VWF: variants seen among roughly 807,000 people sequenced by gnomAD.
The protein encoded by VWF is von Willebrand factor.
In VWF, 176 loss-of-function variants were observed where a neutral mutation model predicts 308.6. That is an observed-to-expected ratio of 0.57 (90% CI 0.50 to 0.65). The LOEUF (loss-of-function observed/expected upper bound fraction) is 0.65. Among genes scored for constraint, VWF ranks in the 30% least tolerant of loss-of-function variants. VWF has a pLI of 0.00. For synonymous variants in VWF, 1,385 were observed against 1,443.4 expected, an observed-to-expected ratio of 0.96 and a Z score of 0.92; for missense variants, 3,146 against 3,648.2, an observed-to-expected ratio of 0.86 and a Z score of 3.55.
chr12:6,088,713 G>GTACA (rs1240365307), intron 6 of VWF, among the ~76,000 whole-genome samples: 2 of 152,050 alleles, frequency 1.3e-5, no homozygotes, highest in African/African-American at 4.8e-5. Context: ...TTTCTCAAAG[G>GTACA]TACACTTTGT....
intron 38 of VWF, 82 bp from the exon 39 acceptor site, chr12:5,985,747 C>T (rs1943673511): frequency 7.4e-7 from 1 of 1,359,764 alleles, no homozygotes. Context: ...GCTCTCCCTG[C>T]CTCCGGCAAG....
At chr12:5,952,233 C>T (rs1469022845) in intron 49 of VWF, 158 bp downstream of exon 49, 50 of 1,084,476 alleles carry the variant, frequency 4.6e-5, no homozygotes, top group Non-Finnish European at 5.2e-5. Flanking sequence ...TTTATCTCTC[C>T]GTAGGCTTTG....
At chr12:6,102,304 T>C (rs1260291009) in intron 5 of VWF, among the ~76,000 whole-genome samples, 3 of 152,042 alleles carry the variant, frequency 2.0e-5, no homozygotes, top group African/African-American at 7.2e-5. Flanking sequence ...TAGCTGCGCA[T>C]GGTGATGTGT....
rs1565391065 is a variant in VWF, at chr12:6,103,447, CACAT to C, written c.532+6923_532+6926del. ...GTATACACACGTGTGTATATACATA[CACAT>C]ATATGTGTATATACACATATGTGTG... On this transcript the variant is annotated intron_variant, in intron 5 of 51. Transcript: ENST00000261405. Among the ~76,000 whole-genome samples the C allele has an allele frequency of 3.8e-5, 4 of 106,020 alleles. No individual in the cohort carries two copies. The East Asian group carries it at 8.2e-4, about 22-fold the overall frequency. The allele number at this position is 106,020 out of a possible 152,430, so 69.6% of individuals were successfully genotyped here.
intron 47 of VWF, among the ~76,000 whole-genome samples, chr12:5,966,759 C>T (rs559111851): frequency 6.6e-6 from 1 of 152,208 alleles, no homozygotes; most frequent in South Asian, 2.1e-4. Flanking sequence ...ACTCCTCTGA[C>T]CAATGGCATT....
intron 21 of VWF, 51 bp downstream of exon 21, chr12:6,031,393 G>A (rs1944259945): frequency 6.2e-7 from 1 of 1,614,034 alleles, no homozygotes; most frequent in Non-Finnish European, 8.5e-7. Flanking sequence ...TTCCTATTAA[G>A]TGGCAGAAGC....
rs1943160115 is a variant in VWF, at chr12:5,949,843, C to G, written c.8196G>C (p.Gln2732His). Reference sequence around the variant, plus strand: ...ACTTACAGCTTCCCACCTTGACATACTGCAGCCTGGCAGTGATGTCGTTGC... The same window carrying G: ...ACTTACAGCTTCCCACCTTGACATAGTGCAGCCTGGCAGTGATGTCGTTGC... ...PECNDITARL[Q>H]YVKVGSCKSE... is the part of the protein sequence containing the mutation. Residue 2732 changes from glutamine (Q) to histidine (H), a missense_variant, in exon 51 of 52, where the codon CAG (glutamine) becomes CAC (histidine). Gln to His is a conservative substitution (Grantham distance 24). Transcript: ENST00000261405. 2 of 1,614,162 alleles carry G rather than the reference C, an allele frequency of 1.2e-6. No homozygotes were observed. The highest frequency in any genetic ancestry group is 1.7e-6 in the Non-Finnish European group (2 of 1,180,030).
intron 38 of VWF, among the ~76,000 whole-genome samples, chr12:5,986,907 A>G (rs1259840944): frequency 7.9e-6 from 1 of 126,614 alleles, no homozygotes; most frequent in Non-Finnish European, 1.7e-5. Flanking sequence ...TTGTTATTTT[A>G]TGTTTTGGTT....
chr12:6,109,298 T>C (rs1945278276), intron 5 of VWF, among the ~76,000 whole-genome samples: 3 of 150,044 alleles, frequency 2.0e-5, no homozygotes, highest in Admixed American at 1.3e-4. Flanking sequence ...TATAATTACA[T>C]ATATACACAC....
Position 6,002,750 on chromosome 12 carries a change from C to A in VWF, c.5843-6528G>T, listed in dbSNP as rs369268573. Among the ~76,000 whole-genome samples the A allele has an allele frequency of 3.3e-5, 5 of 152,194 alleles. No individual in the cohort carries two copies. The East Asian group carries it at 5.8e-4, about 18-fold the overall frequency. ...GGAAATTTTCCTAAACTTCCAAAGA[C>A]CTGATAGTCCGATGCTCCATAAATT... On this transcript the variant is annotated intron_variant, in intron 34 of 51. Transcript: ENST00000261405.
chr12:5,981,121 CA>C (rs1475041617), intron 42 of VWF, among the ~76,000 whole-genome samples: 1 of 152,166 alleles, frequency 6.6e-6, no homozygotes, highest in Non-Finnish European at 1.5e-5. Context: ...AGCACAGTGC[CA>C]ATTCTGTTAG....
intron 17 of VWF, 85 bp from the exon 18 acceptor site, chr12:6,044,536 T>TCTTGAATTTA: frequency 6.6e-7 from 1 of 1,511,128 alleles, no homozygotes; most frequent in Non-Finnish European, 9.0e-7. Flanking sequence ...CCCTAGAGTC[T>TCTTGAATTTA]GTGACTAAAT....
intron 22 of VWF, among the ~76,000 whole-genome samples, chr12:6,026,378 C>CA (rs751080252): frequency 1.3e-5 from 2 of 152,166 alleles, no homozygotes; most frequent in Admixed American, 6.5e-5. Flanking sequence ...TCACTGTCCC[C>CA]AACAAGCATA....
At chr12:6,037,341 T>C (rs216329) in intron 18 of VWF, among the ~76,000 whole-genome samples, 107,789 of 152,056 alleles carry the variant, frequency 0.71, 38,522 homozygotes, top group East Asian at 0.79. Flanking sequence ...GGGCCAAATA[T>C]TGGGCATAAG....
chr12:5,949,223 G>A lies in VWF; in HGVS notation c.8254-20C>T, dbSNP rs1943149913. ...TTTGCCCTGCAAGAAAGCAGAGGAA[G>A]ATGGGAGCTTCACAATGGTGGGAAG... On this transcript the variant is annotated intron_variant, in intron 51 of 51. Coordinates refer to ENST00000261405, the MANE Select transcript of VWF (RefSeq NM_000552.5). 1 of 1,611,770 alleles carries A rather than the reference G, an allele frequency of 6.2e-7. No individual in the cohort carries two copies. Among genetic ancestry groups the A allele is most frequent in the Non-Finnish European group, 8.5e-7 (1 of 1,179,714 alleles).
At chr12:5,990,005 C>T (rs1165783951) in intron 38 of VWF, among the ~76,000 whole-genome samples, 1 of 152,156 alleles carries the variant, frequency 6.6e-6, no homozygotes, top group East Asian at 1.9e-4. Context: ...GTTTTGTCAA[C>T]TCATTTAGGG....
In VWF at chr12:6,102,895, C is replaced by T. The variant is rs191199794; in HGVS notation, c.533-7311G>A. On this transcript the variant is annotated intron_variant, in intron 5 of 51. Transcript: ENST00000261405. Reference sequence around the variant, plus strand: ...AATTAGAAAATGCAATCTTAAAATTCATATGGAACTGAAAAACAGACCGAA... The same window carrying T: ...AATTAGAAAATGCAATCTTAAAATTTATATGGAACTGAAAAACAGACCGAA... Among the ~76,000 whole-genome samples the T allele has an allele frequency of 3.9e-5, 6 of 152,256 alleles. No homozygotes were observed. The East Asian group carries it at 5.8e-4, about 15-fold the overall frequency.
At position 6,075,351 on chromosome 12, in the gene VWF, G is replaced by A. The variant is rs776206258; in HGVS notation, c.858C>T (p.Thr286=). The A allele has an allele frequency of 6.9e-5, 112 of 1,614,002 alleles. No homozygotes were observed. The Middle Eastern group carries it at 2.6e-3, about 38-fold the overall frequency. The stretch of plus-strand genomic sequence containing the variant: ...CCGACTTACTGCACGCGCTGTGGTC[G>A]GTCCAGCCGTACAGCACCATTCCCT... The part of the protein sequence containing the change: ...AQEGMVLYGW[T]DHSACSPVCP... Residue 286 remains threonine (T), a synonymous_variant, in exon 7 of 52, where the codon ACC becomes ACT. Transcript: ENST00000261405. The surrounding 1 kb of genome is among the most constrained non-coding windows in gnomAD (Gnocchi z 4.7).
chr12:6,110,091 G>A (rs940802567), intron 5 of VWF, among the ~76,000 whole-genome samples: 3 of 152,206 alleles, frequency 2.0e-5, no homozygotes, highest in African/African-American at 7.2e-5. Context: ...GGCTGAGGAG[G>A]ATCGACTCAA....
Sources: allele counts gnomAD v4.1 joint callset (sites outside exome capture counted in the v4.1 genomes callset), GRCh38; gene constraint gnomAD v4.1.1; non-coding constraint Gnocchi (gnomAD v3.1); transcripts MANE v1.5; gene names NCBI Gene and HGNC (gene_info 2026-07-23, HGNC 2026-07-21).